NRXN3: variants seen among roughly 807,000 people sequenced by gnomAD.
The protein encoded by NRXN3 is neurexin 3.
In NRXN3, 32 loss-of-function variants were observed where a neutral mutation model predicts 137.6. The observed-to-expected ratio is 0.23, with a 90% confidence interval of 0.18 to 0.31. The LOEUF (loss-of-function observed/expected upper bound fraction) is 0.31. NRXN3 is among the 10% of genes least tolerant of loss of function. The probability of loss-of-function intolerance (pLI) is 1.00; values close to 1 mark genes in which losing one functional copy is unlikely to be tolerated. For missense variants in NRXN3, 1,574 were observed against 2,062.5 expected (o/e 0.76, Z 4.59); for synonymous variants, 798 against 784.5 (o/e 1.02, Z -0.29).
chr14:79,085,506 A>G (rs1357827221), intron 15 of NRXN3, among the ~76,000 whole-genome samples: 4 of 152,194 alleles, frequency 2.6e-5, no homozygotes, highest in African/African-American at 4.8e-5. Context: ...TTGAAGTAAC[A>G]TATTTTTACT....
At chr14:79,434,256 T>C (rs571769385) in intron 15 of NRXN3, among the ~76,000 whole-genome samples, 4 of 152,030 alleles carry the variant, frequency 2.6e-5, no homozygotes, top group Non-Finnish European at 5.9e-5. Context: ...CACTTAGCTC[T>C]AGATTAGAAA....
chr14:78,400,611 T>C (rs2091960171), intron 4 of NRXN3, among the ~76,000 whole-genome samples: 1 of 152,192 alleles, frequency 6.6e-6, no homozygotes, highest in Non-Finnish European at 1.5e-5. Context: ...TGAGCACTTA[T>C]TCCCTGGACT....
intron 8 of NRXN3, among the ~76,000 whole-genome samples, chr14:78,776,904 G>C (rs1468849761): frequency 6.6e-6 from 1 of 152,184 alleles, no homozygotes; most frequent in South Asian, 2.1e-4. Flanking sequence ...GATTCAGTAG[G>C]TTGGGGTAGG....
At chr14:79,584,113 C>T (rs2097744947) in intron 16 of NRXN3, among the ~76,000 whole-genome samples, 1 of 151,992 alleles carries the variant, frequency 6.6e-6, no homozygotes, top group Non-Finnish European at 1.5e-5. Context: ...TTCTCCTGGA[C>T]ATTTTATGTA....
chr14:78,527,650 G>A (rs2096400283), intron 4 of NRXN3, among the ~76,000 whole-genome samples: 1 of 152,218 alleles, frequency 6.6e-6, no homozygotes. Context: ...AATGGGGCTA[G>A]TAATAGCTTT....
intron 17 of NRXN3, among the ~76,000 whole-genome samples, chr14:79,682,778 A>G (rs2098677154): frequency 6.6e-6 from 1 of 152,164 alleles, no homozygotes; most frequent in Non-Finnish European, 1.5e-5. Flanking sequence ...CTCTCAAATT[A>G]TAAGCTATAA....
chr14:78,970,373 T>C (rs2099432953), intron 14 of NRXN3, among the ~76,000 whole-genome samples: 1 of 152,020 alleles, frequency 6.6e-6, no homozygotes, highest in Non-Finnish European at 1.5e-5. Context: ...CAGAATGTAA[T>C]AGAGATAAAA....
intron 10 of NRXN3, among the ~76,000 whole-genome samples, chr14:78,910,887 G>T (rs1218374375): frequency 6.6e-6 from 1 of 152,090 alleles, no homozygotes; most frequent in African/African-American, 2.4e-5. Flanking sequence ...CAGATGTTCA[G>T]ATGACTTTTT....
intron 4 of NRXN3, among the ~76,000 whole-genome samples, chr14:78,487,237 A>T (rs183110802): frequency 6.6e-6 from 1 of 152,208 alleles, no homozygotes; most frequent in Admixed American, 6.5e-5. Flanking sequence ...GAATAATTTA[A>T]ATCAGTTCTA....
chr14:79,818,172 G>C (rs2099258346), intron 20 of NRXN3, among the ~76,000 whole-genome samples: 1 of 146,136 alleles, frequency 6.8e-6, no homozygotes, highest in Non-Finnish European at 1.5e-5. Flanking sequence ...TCCTGCCTCA[G>C]CCTCCCGAGT....
At chr14:78,468,609 T>C (rs1319899331) in intron 4 of NRXN3, among the ~76,000 whole-genome samples, 1 of 152,134 alleles carries the variant, frequency 6.6e-6, no homozygotes. Context: ...TTGAAACAAG[T>C]CACAAGGCCA....
At chr14:79,415,186 A>G (rs1041266055) in intron 15 of NRXN3, among the ~76,000 whole-genome samples, 14 of 152,284 alleles carry the variant, frequency 9.2e-5, no homozygotes, top group African/African-American at 3.4e-4. Flanking sequence ...TAATGCTGCA[A>G]TGAATGTAAG....
At chr14:78,549,014 C>T (rs1289397198) in intron 4 of NRXN3, among the ~76,000 whole-genome samples, 2 of 152,252 alleles carry the variant, frequency 1.3e-5, no homozygotes, top group Non-Finnish European at 2.9e-5. Flanking sequence ...AGGACTCTCA[C>T]TTCCCAGACT....
At chr14:78,948,028 A>G (rs117180017) in intron 10 of NRXN3, among the ~76,000 whole-genome samples, 9,087 of 152,286 alleles carry the variant, frequency 0.06, 413 homozygotes, top group Admixed American at 0.084. Flanking sequence ...GAGTTACTGC[A>G]TGGGACATGA....
intron 10 of NRXN3, among the ~76,000 whole-genome samples, chr14:78,854,560 TGTTATA>T (rs1244551742): frequency 6.6e-6 from 1 of 152,034 alleles, no homozygotes; most frequent in African/African-American, 2.4e-5. Flanking sequence ...GCACCTACAG[TGTTATA>T]GTTATTTGCT....
At chr14:79,427,425 T>G (rs1250300379) in intron 15 of NRXN3, among the ~76,000 whole-genome samples, 1 of 151,952 alleles carries the variant, frequency 6.6e-6, no homozygotes, top group East Asian at 1.9e-4. Context: ...TTCAGTCTCC[T>G]TAGCAAACAC....
intron 4 of NRXN3, among the ~76,000 whole-genome samples, chr14:78,460,246 C>A (rs1308057668): frequency 6.6e-6 from 1 of 152,224 alleles, no homozygotes; most frequent in Non-Finnish European, 1.5e-5. Flanking sequence ...GATCTCTGAA[C>A]CCTGTCTTTT....
intron 15 of NRXN3, among the ~76,000 whole-genome samples, chr14:79,338,258 GAGTA>G (rs1222350659): frequency 6.6e-6 from 1 of 151,166 alleles, no homozygotes; most frequent in Non-Finnish European, 1.5e-5. Flanking sequence ...TGTGAAGGAA[GAGTA>G]AGTGTTAGGA....
At chr14:78,173,425 G>A (rs2058933485) in intron 1 of NRXN3, among the ~76,000 whole-genome samples, 1 of 151,358 alleles carries the variant, frequency 6.6e-6, no homozygotes. Flanking sequence ...GAGAGGCAGC[G>A]GAGAGATGGG....
Sources: allele counts gnomAD v4.1 joint callset (sites outside exome capture counted in the v4.1 genomes callset), GRCh38; gene constraint gnomAD v4.1.1; transcripts MANE v1.5; gene names NCBI Gene and HGNC (gene_info 2026-07-23, HGNC 2026-07-21).